Variants in AHRR observed in about 807,000 individuals in gnomAD.
AHRR encodes aryl hydrocarbon receptor repressor, also known as ahR repressor.
In AHRR, 28 loss-of-function variants were observed where a neutral mutation model predicts 44.0. That is an observed-to-expected ratio of 0.64 (90% CI 0.47 to 0.87). AHRR has a LOEUF of 0.87. Among genes scored for constraint, AHRR ranks in the 40% least tolerant of loss-of-function variants. The pLI is 0.00. For missense variants in AHRR, 990 were observed against 953.9 expected (o/e 1.04, Z -0.50); for synonymous variants, 434 against 407.0 (o/e 1.07, Z -0.80).
intron 5 of AHRR, among the ~76,000 whole-genome samples, chr5:415,134 G>A (rs1735666604): frequency 1.3e-5 from 2 of 152,260 alleles, no homozygotes; most frequent in Admixed American, 6.5e-5. Context: ...GCACCTGGAG[G>A]CCGCTAGGCG....
chr5:376,557 A>AACGCGGGGAAACAGAGGAAAGAT, intron 3 of AHRR, 53 bp from the exon 4 acceptor site: 1 of 1,423,184 alleles, frequency 7.0e-7, no homozygotes, highest in South Asian at 1.4e-5. Context: ...AATGAAGAAG[A>AACGCGGGGAAACAGAGGAAAGAT]GTGGCCAGGC....
At chr5:384,424 G>C (rs1318388593) in intron 4 of AHRR, among the ~76,000 whole-genome samples, 2 of 152,058 alleles carry the variant, frequency 1.3e-5, no homozygotes, top group African/African-American at 4.8e-5. Flanking sequence ...AAACCCTCCA[G>C]ACAATATAAT....
intron 1 of AHRR, among the ~76,000 whole-genome samples, chr5:329,488 G>A (rs1741840459): frequency 6.6e-6 from 1 of 152,202 alleles, no homozygotes; most frequent in Admixed American, 6.5e-5. Context: ...TTACAAGTGT[G>A]AGCTACCATG....
At chr5:427,004 ATGGG>A (rs1222650309) in intron 7 of AHRR, among the ~76,000 whole-genome samples, 3 of 144,584 alleles carry the variant, frequency 2.1e-5, no homozygotes, top group African/African-American at 7.7e-5. Flanking sequence ...GTGAAGATGG[ATGGG>A]TGGGTGGATG....
rs1257241575 is a variant in AHRR, at chr5:395,795, G to T, written c.352-17549G>T. ...AGGCCTAGAAGCCCTCCCAGCTGGG[G>T]CTGCGCACACGTTCCTGTGAGGGAC... On this transcript the variant is annotated intron_variant, in intron 4 of 10. Coordinates refer to ENST00000684583, the MANE Select transcript of AHRR (RefSeq NM_001377236.1). The surrounding 1 kb of genome is among the most constrained non-coding windows in gnomAD (Gnocchi z 5.3). Among the ~76,000 whole-genome samples, 2 of 152,238 alleles carry T rather than the reference G, an allele frequency of 1.3e-5. No homozygotes were observed. The highest frequency in any genetic ancestry group is 6.5e-5 in the Admixed American group (1 of 15,288).
At chr5:343,839 G>A (rs1035344721) in intron 1 of AHRR, 54 bp from the exon 2 acceptor site, 2 of 1,545,472 alleles carry the variant, frequency 1.3e-6, no homozygotes, top group African/African-American at 2.8e-5. Context: ...CATCGCGGCG[G>A]GAACAGGGCG....
intron 8 of AHRR, among the ~76,000 whole-genome samples, chr5:428,593 A>G (rs1736576620): frequency 6.6e-6 from 1 of 152,234 alleles, no homozygotes; most frequent in Non-Finnish European, 1.5e-5. Context: ...ATTTTTCCAC[A>G]GACTGGGAGT....
chr5:401,040 T>C (rs1283364677), intron 4 of AHRR, among the ~76,000 whole-genome samples: 1 of 152,190 alleles, frequency 6.6e-6, no homozygotes, highest in East Asian at 1.9e-4. Flanking sequence ...GGCCCCTCAG[T>C]GTCACCACTG....
At chr5:353,598 C>G (rs1742936470) in intron 2 of AHRR, 132 bp from the exon 3 acceptor site, 2 of 794,766 alleles carry the variant, frequency 2.5e-6, no homozygotes, top group African/African-American at 3.5e-5. Context: ...GAGCTTTAGT[C>G]CTCTTCCCGT....
In AHRR at chr5:434,559, G is replaced by T; in HGVS notation, c.1819G>T (p.Glu607Ter). 1 of 1,597,960 alleles carries T rather than the reference G, an allele frequency of 6.3e-7. No homozygotes were observed. Among genetic ancestry groups the T allele is most frequent in the Non-Finnish European group, 8.5e-7 (1 of 1,172,706 alleles). The change falls in exon 11 of 11, where the codon GAG becomes TAG. Residue 607 changes from glutamate to a stop codon, truncating the protein, a stop_gained. Coordinates refer to ENST00000684583, the MANE Select transcript of AHRR (RefSeq NM_001377236.1). LOFTEE classifies it low-confidence loss of function (END_TRUNC). ...GAGGGCCACTGCTGGGCGCAGCAGGGAGCTGACCCCTTTCCACCCTGCACA... is the reference window on the plus strand; with the variant it reads ...GAGGGCCACTGCTGGGCGCAGCAGGTAGCTGACCCCTTTCCACCCTGCACA... ...HGRATAGRSR[E>*]LTPFHPAHCA...
intron 3 of AHRR, among the ~76,000 whole-genome samples, chr5:365,423 GA>G (rs749998613): frequency 6.6e-5 from 10 of 152,116 alleles, no homozygotes; most frequent in Non-Finnish European, 1.3e-4. Context: ...AAGAAAAGAA[GA>G]TGTAATTTAG....
intron 7 of AHRR, among the ~76,000 whole-genome samples, chr5:427,092 T>C (rs1736450069): frequency 6.6e-6 from 1 of 151,658 alleles, no homozygotes; most frequent in Non-Finnish European, 1.5e-5. Context: ...GAAAGATAGA[T>C]TGGTGGATGG....
intron 3 of AHRR, among the ~76,000 whole-genome samples, chr5:366,758 G>T (rs1348820055): frequency 1.3e-5 from 2 of 152,240 alleles, no homozygotes; most frequent in African/African-American, 4.8e-5. Flanking sequence ...GTGGAGCACA[G>T]CATTGCTTTG....
intron 3 of AHRR, among the ~76,000 whole-genome samples, chr5:367,183 G>A (rs6875975): frequency 0.52 from 78,752 of 152,068 alleles, 20,703 homozygotes; most frequent in Non-Finnish European, 0.54. Context: ...GGGGGTCGCC[G>A]CAGATCCCCA....
In AHRR at chr5:406,132, C is replaced by T. The variant is rs1049598833; in HGVS notation, c.352-7212C>T. Among the ~76,000 whole-genome samples, 17 of 152,340 alleles carry T rather than the reference C, an allele frequency of 1.1e-4. No individual in the cohort carries two copies. The highest frequency in any genetic ancestry group is 1.4e-4 in the African/African-American group (6 of 41,582). On this transcript the variant is annotated intron_variant, in intron 4 of 10. Coordinates refer to ENST00000684583, the MANE Select transcript of AHRR (RefSeq NM_001377236.1). The surrounding 1 kb of genome is among the most constrained non-coding windows in gnomAD (Gnocchi z 4.7). ...AAAACGGGAAAGGAAAGGCATTGTC[C>T]GGAAGAAGCCTCTTGCAGTGTGGAT...
At chr5:374,880 C>A (rs1560897376) in intron 3 of AHRR, among the ~76,000 whole-genome samples, 1 of 152,226 alleles carries the variant, frequency 6.6e-6, no homozygotes, top group Non-Finnish European at 1.5e-5. Flanking sequence ...GGGGTCCTGG[C>A]CTGATGGGGA....
intron 3 of AHRR, 42 bp from the exon 4 acceptor site, chr5:376,568 C>CGTGGGGAG: frequency 2.4e-5 from 5 of 204,156 alleles, no homozygotes; most frequent in South Asian, 4.6e-5. Flanking sequence ...GTGGCCAGGC[C>CGTGGGGAG]AAGGGTTGGG....
At chr5:428,982 G>A (rs984411540) in intron 8 of AHRR, among the ~76,000 whole-genome samples, 2 of 152,248 alleles carry the variant, frequency 1.3e-5, no homozygotes, top group African/African-American at 4.8e-5. Flanking sequence ...TCACTCGCTT[G>A]CGCAGGGCCC....
chr5:414,756 A>T (rs1040463724), intron 5 of AHRR, among the ~76,000 whole-genome samples: 2 of 152,278 alleles, frequency 1.3e-5, no homozygotes, highest in African/African-American at 2.4e-5. Flanking sequence ...TTTGAGAAAG[A>T]TCAAAACAAA....
Sources: allele counts gnomAD v4.1 joint callset (sites outside exome capture counted in the v4.1 genomes callset), GRCh38; gene constraint gnomAD v4.1.1; non-coding constraint Gnocchi (gnomAD v3.1); transcripts MANE v1.5; gene names NCBI Gene and HGNC (gene_info 2026-07-23, HGNC 2026-07-21).